Variants in CRNKL1 observed in about 807,000 individuals in gnomAD.
CRNKL1 encodes crooked neck pre-mRNA splicing factor 1, also known as crooked neck-like protein 1.
CRNKL1 carries 35 observed loss-of-function variants against 103.7 expected under a neutral mutation model. The observed-to-expected ratio is 0.34, with a 90% CI of 0.26 to 0.45. The LOEUF (loss-of-function observed/expected upper bound fraction) is 0.45, where lower values mean the gene tolerates loss of function less well. CRNKL1 is among the 20% of genes least tolerant of loss of function. The pLI, the probability that CRNKL1 is intolerant of heterozygous loss-of-function variation, is 1.00. For synonymous variants in CRNKL1, 267 were observed against 282.6 expected, an observed-to-expected ratio of 0.94 and a Z score of 0.55; for missense variants, 645 against 836.0, an observed-to-expected ratio of 0.77 and a Z score of 2.82.
At chr20:20,043,069 A>C (rs1254611072) in intron 7 of CRNKL1, among the ~76,000 whole-genome samples, 1 of 152,220 alleles carries the variant, frequency 6.6e-6, no homozygotes, top group Non-Finnish European at 1.5e-5. Context: ...AAAATAGTAC[A>C]TTACAGAAAA....
Position 20,041,561 on chromosome 20 carries a change from C to A in CRNKL1, c.1224+5G>T. On this transcript the variant is annotated splice_donor_5th_base_variant and intron_variant, in intron 9 of 13. Transcript: ENST00000536226. The stretch of plus-strand genomic sequence containing the variant: ...TTGAAATGGAACACTTTAGAGCAAA[C>A]ATACCTTTTTGTGAGGAATTAGTTC... The A allele has an allele frequency of 6.2e-7, 1 of 1,609,788 alleles. No individual in the cohort carries two copies. Among genetic ancestry groups the A allele is most frequent in the Non-Finnish European group, 8.5e-7 (1 of 1,176,084 alleles).
intron 5 of CRNKL1, among the ~76,000 whole-genome samples, chr20:20,047,286 G>GT (rs1219048130): frequency 1.3e-5 from 2 of 151,974 alleles, no homozygotes; most frequent in Non-Finnish European, 2.9e-5. Flanking sequence ...TGAACATGTC[G>GT]TTTTTTTGCT....
At chr20:20,040,543 A>G (rs1568758290) in intron 10 of CRNKL1, 143 bp downstream of exon 10, 6 of 665,452 alleles carry the variant, frequency 9.0e-6, no homozygotes, top group South Asian at 1.8e-5. Context: ...CAGAGGACGC[A>G]TGTTTTCTAA....
At position 20,037,582 on chromosome 20, in the gene CRNKL1, A is replaced by C; in HGVS notation, c.1648-11T>G. The C allele has an allele frequency of 6.2e-7, 1 of 1,608,412 alleles. No individual in the cohort carries two copies. The highest frequency in any genetic ancestry group is 8.5e-7 in the Non-Finnish European group (1 of 1,178,258). ...AAAGCTGATCCATACCTTTAAAAAAAGTTATTATTGAACCAAATTAACCAT... is the reference window on the plus strand; with the variant it reads ...AAAGCTGATCCATACCTTTAAAAAACGTTATTATTGAACCAAATTAACCAT... On this transcript the variant is annotated splice_polypyrimidine_tract_variant and intron_variant, in intron 12 of 13. Transcript: ENST00000536226.
rs1203551596 is a variant in CRNKL1, at chr20:20,035,155, T to C, written c.*1040A>G. The C allele has an allele frequency of 6.6e-6, 1 of 152,216 alleles. No homozygotes were observed. Among genetic ancestry groups the C allele is most frequent in the Non-Finnish European group, 1.5e-5 (1 of 68,040 alleles). The allele number at this position is 152,216 out of a possible 1,614,324, so 9.4% of individuals were successfully genotyped here. ...CTCTAAACCAAGAGTAAGTTTAACA[T>C]GTCAGCAGTGAGGAGTAGACATTTT... On this transcript the variant is annotated 3_prime_UTR_variant, in exon 14 of 14. Transcript: ENST00000536226.
At chr20:20,048,045 T>C in intron 4 of CRNKL1, 114 bp from the exon 5 acceptor site, 1 of 1,296,650 alleles carries the variant, frequency 7.7e-7, no homozygotes, top group Middle Eastern at 2.0e-4. Context: ...TGTTTTGTCA[T>C]TTGTATGTAA....
upstream of CRNKL1, chr20:20,052,542 T>C: frequency 6.2e-7 from 1 of 1,614,154 alleles, no homozygotes; most frequent in East Asian, 2.2e-5. Context: ...AGGCTGCGCG[T>C]CCTCCTTGCG....
At chr20:20,039,461 T>C in intron 11 of CRNKL1, 148 bp downstream of exon 11, 1 of 939,070 alleles carries the variant, frequency 1.1e-6, no homozygotes, top group Non-Finnish European at 1.6e-6. Flanking sequence ...CACAGCCACC[T>C]TTCCACGTAC....
chr20:20,049,214 C>G (rs2043644144), intron 3 of CRNKL1, 126 bp downstream of exon 3: 2 of 619,296 alleles, frequency 3.2e-6, no homozygotes, highest in Admixed American at 3.4e-5. Context: ...TTCCATGGAA[C>G]CAAAGTTGAA....
rs1234059034 is a variant in CRNKL1 at position 20,040,675 on chromosome 20, T to C, written c.1305+11A>G. 1 of 1,595,878 alleles carries C rather than the reference T, an allele frequency of 6.3e-7. No homozygotes were observed. The highest frequency in any genetic ancestry group is 8.6e-7 in the Non-Finnish European group (1 of 1,166,672). Reference sequence around the variant, plus strand: ...AACTTGATGAGACATCTTGATCCTTTCTTTACTTACCAATGCTCTTCTGGC... The same window carrying C: ...AACTTGATGAGACATCTTGATCCTTCCTTTACTTACCAATGCTCTTCTGGC... On this transcript the variant is annotated intron_variant, in intron 10 of 13. Transcript: ENST00000536226.
Position 20,035,966 on chromosome 20 carries a change from A to G in CRNKL1, c.*229T>C, listed in dbSNP as rs1247215428. On this transcript the variant is annotated 3_prime_UTR_variant, in exon 14 of 14. Coordinates refer to ENST00000536226, the MANE Select transcript of CRNKL1 (RefSeq NM_001278628.2). The stretch of plus-strand genomic sequence containing the variant: ...AATGCATGATGTGGACAGACATTAG[A>G]AAAGTTTGGACTCAGTTGGAAAAAC... 1.0e-5 allele frequency: 5 copies of G among 484,656 alleles called. No individual in the cohort carries two copies. Among genetic ancestry groups the G allele is most frequent in the Non-Finnish European group, 1.8e-5 (5 of 274,396 alleles). The allele number at this position is 484,656 out of a possible 1,614,324, so 30.0% of individuals were successfully genotyped here.
rs746692647 is a variant in CRNKL1 at position 20,047,739 on chromosome 20, C to T, written c.622+26G>A. 3.7e-6 allele frequency: 6 copies of T among 1,604,392 alleles called. No homozygotes were observed. The South Asian group carries it at 6.6e-5, about 18-fold the overall frequency. ...AGCAGCATCCAGGACAATCATGGCACCATACAGATCTCGTCCAAAGGATAT... is the reference window on the plus strand; with the variant it reads ...AGCAGCATCCAGGACAATCATGGCATCATACAGATCTCGTCCAAAGGATAT... On this transcript the variant is annotated intron_variant, in intron 5 of 13. Coordinates refer to ENST00000536226, the MANE Select transcript of CRNKL1 (RefSeq NM_001278628.2).
At chr20:20,050,649 T>A (rs1427012156) in intron 1 of CRNKL1, 27 bp from the exon 2 acceptor site, 2 of 1,578,880 alleles carry the variant, frequency 1.3e-6, no homozygotes, top group African/African-American at 2.7e-5. Flanking sequence ...CATTTCTATT[T>A]TTAGTAGTTG....
intron 2 of CRNKL1, 42 bp from the exon 3 acceptor site, chr20:20,049,473 T>A: frequency 1.0e-6 from 1 of 1,004,410 alleles, no homozygotes; most frequent in Non-Finnish European, 1.5e-6. Flanking sequence ...GACAAATGAC[T>A]AAAAATGACA....
In CRNKL1 at chr20:20,050,605, C is replaced by T. The variant is rs367820186; in HGVS notation, c.69G>A (p.Pro23=). The T allele has an allele frequency of 8.1e-6, 13 of 1,604,428 alleles. No individual in the cohort carries two copies. The Middle Eastern group carries it at 6.6e-4, about 82-fold the overall frequency. Residue 23 remains proline (P), a synonymous_variant, in exon 2 of 14, where the codon CCG becomes CCA. Coordinates refer to ENST00000536226, the MANE Select transcript of CRNKL1 (RefSeq NM_001278628.2). ...PKVAKVKNKA[P]AEVQITAEQL... ...GTTCAGCAGTTATCTGTACCTCAGCCGGGGCTTTGTTTTTCACCTTTTAAG... is the reference window on the plus strand; with the variant it reads ...GTTCAGCAGTTATCTGTACCTCAGCTGGGGCTTTGTTTTTCACCTTTTAAG...
Position 20,047,919 on chromosome 20 carries a change from C to G in CRNKL1, c.468G>C (p.Thr156=). 6.2e-7 allele frequency: 1 copy of G among 1,614,080 alleles called. No individual in the cohort carries two copies. The highest frequency in any genetic ancestry group is 1.7e-5 in the Admixed American group (1 of 60,022). ...PRVNQFWYKY[T]YMEEMLGNVA... is the part of the protein sequence containing the mutation. Reference sequence around the variant, plus strand: ...CGTTTCCCAACATTTCCTCCATGTACGTGTACTTGTACCTGTAACAAAATC... The same window carrying G: ...CGTTTCCCAACATTTCCTCCATGTAGGTGTACTTGTACCTGTAACAAAATC... The change falls in exon 5 of 14, where the codon ACG becomes ACC. Residue 156 remains threonine, a synonymous_variant. Coordinates refer to ENST00000536226, the MANE Select transcript of CRNKL1 (RefSeq NM_001278628.2).
chr20:20,037,240 C>A, intron 13 of CRNKL1, 83 bp downstream of exon 13: 2 of 1,489,202 alleles, frequency 1.3e-6, no homozygotes, highest in Non-Finnish European at 9.0e-7. Flanking sequence ...TGTACATATG[C>A]CACTTAAAAG....
At chr20:20,039,467 C>T (rs780740832) in intron 11 of CRNKL1, 142 bp downstream of exon 11, 25 of 994,474 alleles carry the variant, frequency 2.5e-5, no homozygotes, top group Admixed American at 2.3e-4. Flanking sequence ...CACCTTTCCA[C>T]GTACAAGCCT....
chr20:20,046,592 A>AATCC (rs1277579087), intron 5 of CRNKL1, among the ~76,000 whole-genome samples: 3 of 152,198 alleles, frequency 2.0e-5, no homozygotes, highest in Non-Finnish European at 2.9e-5. Flanking sequence ...CATCATCTTA[A>AATCC]ATCCTAAAAA....
Sources: allele counts gnomAD v4.1 joint callset (sites outside exome capture counted in the v4.1 genomes callset), GRCh38; gene constraint gnomAD v4.1.1; transcripts MANE v1.5; gene names NCBI Gene and HGNC (gene_info 2026-07-23, HGNC 2026-07-21).